PACRG: variants seen among roughly 807,000 people sequenced by gnomAD.
PACRG encodes parkin coregulated, also known as parkin coregulated gene protein.
A neutral mutation model predicts 29.7 loss-of-function variants in PACRG; 29 were observed. The ratio of observed to expected loss-of-function variants is 0.98; its 90% CI spans 0.73 to 1.33. The LOEUF is 1.33. Among genes scored for constraint, PACRG ranks in the 40% most tolerant of loss-of-function variants. The pLI is 0.00. For synonymous variants in PACRG, 116 were observed against 118.7 expected, an observed-to-expected ratio of 0.98 and a Z score of 0.15; for missense variants, 279 against 316.2, an observed-to-expected ratio of 0.88 and a Z score of 0.89.
chr6:163,284,462 A>G (rs1784326655), intron 4 of PACRG, among the ~76,000 whole-genome samples: 1 of 152,256 alleles, frequency 6.6e-6, no homozygotes, highest in Non-Finnish European at 1.5e-5. Flanking sequence ...AGAGCCTTGA[A>G]CTAGGAACTG....
intron 2 of PACRG, among the ~76,000 whole-genome samples, chr6:163,036,734 G>A (rs1232185098): frequency 6.6e-6 from 1 of 152,208 alleles, no homozygotes; most frequent in East Asian, 1.9e-4. Context: ...GTGTTTTGCA[G>A]AAATTTCCAC....
intron 2 of PACRG, among the ~76,000 whole-genome samples, chr6:162,880,176 C>T (rs573005289): frequency 2.6e-5 from 4 of 152,276 alleles, no homozygotes; most frequent in Admixed American, 6.5e-5. Flanking sequence ...AGTTGCAGCT[C>T]GGTTTGTTGT....
chr6:163,218,774 G>A (rs527290033), intron 4 of PACRG, among the ~76,000 whole-genome samples: 18 of 152,290 alleles, frequency 1.2e-4, no homozygotes, highest in South Asian at 8.3e-4. Context: ...GGCAGGGCTC[G>A]GGCTACCCTC....
At chr6:163,299,748 G>C (rs368152898) in intron 4 of PACRG, among the ~76,000 whole-genome samples, 1 of 152,124 alleles carries the variant, frequency 6.6e-6, no homozygotes, top group Non-Finnish European at 1.5e-5. Flanking sequence ...GCATGGGGGC[G>C]CGTGCCTGTA....
chr6:163,033,699 A>T (rs111408946), intron 2 of PACRG, among the ~76,000 whole-genome samples: 6 of 152,370 alleles, frequency 3.9e-5, no homozygotes, highest in African/African-American at 1.2e-4. Context: ...TCATTTTCCA[A>T]GCCAGGAATT....
Position 162,803,896 on chromosome 6 carries a change from A to G in PACRG, c.157-10251A>G, listed in dbSNP as rs115973001. Among the ~76,000 whole-genome samples, 412 of 152,332 alleles carry G rather than the reference A, an allele frequency of 2.7e-3. 1 individual carries two copies. Among genetic ancestry groups the G allele is most frequent in the African/African-American group, 9.4e-3 (392 of 41,588 alleles). On this transcript the variant is annotated intron_variant, in intron 1 of 4. Transcript: ENST00000366888. ...GGAGACTCTGTCTGAAGGAAATAAT[A>G]TAAAACATCATATGCCTGGAATATT...
intron 2 of PACRG, chr6:163,046,554 A>T (rs1350304187): frequency 6.6e-6 from 1 of 152,020 alleles, no homozygotes; most frequent in Admixed American, 6.5e-5. Flanking sequence ...CAGTCACAGC[A>T]TTTGAAAACT....
At chr6:162,790,022 T>G (rs569269393) in intron 1 of PACRG, among the ~76,000 whole-genome samples, 1 of 152,300 alleles carries the variant, frequency 6.6e-6, no homozygotes, top group Admixed American at 6.5e-5. Context: ...AGATCTCAAA[T>G]AGTAGGCAAT....
intron 4 of PACRG, among the ~76,000 whole-genome samples, chr6:163,144,632 G>T (rs1777722525): frequency 6.6e-6 from 1 of 152,126 alleles, no homozygotes; most frequent in South Asian, 2.1e-4. Context: ...AGTTGGGCAT[G>T]GTGGCGCATG....
At chr6:163,056,742 G>A (rs957835997) in intron 2 of PACRG, among the ~76,000 whole-genome samples, 2 of 152,148 alleles carry the variant, frequency 1.3e-5, no homozygotes, top group South Asian at 2.1e-4. Context: ...AGGCATTCCC[G>A]GAACTGAGGT....
intron 4 of PACRG, among the ~76,000 whole-genome samples, chr6:163,095,800 A>G (rs941342702): frequency 1.3e-5 from 2 of 152,068 alleles, no homozygotes; most frequent in Admixed American, 6.5e-5. Flanking sequence ...TATCTTAACT[A>G]CTTTCATTGG....
intron 4 of PACRG, among the ~76,000 whole-genome samples, chr6:163,187,330 A>G (rs1779988725): frequency 1.3e-5 from 2 of 151,966 alleles, no homozygotes; most frequent in African/African-American, 4.8e-5. Context: ...TACCCACGCC[A>G]GTCAGTGCAC....
intron 4 of PACRG, among the ~76,000 whole-genome samples, chr6:163,312,113 G>T (rs941160134): frequency 5.7e-4 from 87 of 152,162 alleles, no homozygotes; most frequent in African/African-American, 2.0e-3. Flanking sequence ...CCCTCCAGGG[G>T]TTTATGCAAT....
chr6:162,875,283 TCA>T (rs762538764), intron 2 of PACRG, among the ~76,000 whole-genome samples: 301 of 145,768 alleles, frequency 2.1e-3, no homozygotes, highest in Non-Finnish European at 3.5e-3. Flanking sequence ...CCACACACAT[TCA>T]CACACACACA....
intron 4 of PACRG, among the ~76,000 whole-genome samples, chr6:163,168,049 C>T (rs1022308073): frequency 6.6e-6 from 1 of 152,164 alleles, no homozygotes; most frequent in Non-Finnish European, 1.5e-5. Flanking sequence ...TTATTTTGTA[C>T]ACTGTCTTTG....
At chr6:162,767,723 T>A (rs918120593) in intron 1 of PACRG, among the ~76,000 whole-genome samples, 1 of 151,994 alleles carries the variant, frequency 6.6e-6, no homozygotes, top group Non-Finnish European at 1.5e-5. Flanking sequence ...TGACTATTTT[T>A]AAAAATTATT....
At chr6:163,008,672 G>C (rs970258675) in intron 2 of PACRG, among the ~76,000 whole-genome samples, 52 of 148,270 alleles carry the variant, frequency 3.5e-4, no homozygotes, top group South Asian at 4.6e-4. Context: ...CGAGATAGCG[G>C]CTCAGCACCT....
intron 3 of PACRG, among the ~76,000 whole-genome samples, chr6:163,072,753 G>A (rs1812189225): frequency 1.3e-5 from 2 of 152,038 alleles, no homozygotes; most frequent in South Asian, 2.1e-4. Flanking sequence ...AAACAAATTC[G>A]TAAAGTAGCA....
chr6:162,727,315 A>AGGTGAGGGGCGGCGGCGGGGCGCG, upstream of PACRG: 1 of 347,814 alleles, frequency 2.9e-6, no homozygotes, highest in Non-Finnish European at 5.2e-6. Context: ...GGCGGGGCGA[A>AGGTGAGGGGCGGCGGCGGGGCGCG]GGTGAGGGGC....
Sources: gnomAD v4.1 joint callset for allele counts (sites outside exome capture counted in the v4.1 genomes callset) on GRCh38, gnomAD v4.1.1 for gene constraint, MANE v1.5 for transcripts, NCBI Gene and HGNC (gene_info 2026-07-23, HGNC 2026-07-21) for gene names.